BOD1L1: variants seen among roughly 807,000 people sequenced by gnomAD.
BOD1L1 encodes biorientation of chromosomes in cell division 1 like 1, also known as biorientation of chromosomes in cell division protein 1-like 1.
Under a neutral mutation model 240.7 loss-of-function variants are expected in BOD1L1, and 86 were observed. That is an observed-to-expected ratio of 0.36 (90% CI 0.30 to 0.43). The LOEUF (loss-of-function observed/expected upper bound fraction) is 0.43, where lower values mean the gene tolerates loss of function less well. Ranked by LOEUF, BOD1L1 falls within the 20% of genes least tolerant of loss-of-function variation. BOD1L1 has a pLI of 1.00. For synonymous variants in BOD1L1, 1,268 were observed against 1,272.3 expected, an observed-to-expected ratio of 1.00 and a Z score of 0.07; for missense variants, 3,554 against 3,643.5, an observed-to-expected ratio of 0.98 and a Z score of 0.63.
chr4:13,608,169 A>G (rs1039764485), intron 8 of BOD1L1, among the ~76,000 whole-genome samples: 4 of 152,220 alleles, frequency 2.6e-5, no homozygotes, highest in African/African-American at 7.2e-5. Context: ...ATAATTGAAA[A>G]TAAGTGGTTA....
chr4:13,614,524 G>A lies in BOD1L1; in HGVS notation c.846C>T (p.Asp282=). Residue 282 remains aspartate, a synonymous_variant, in exon 4 of 26, where the codon GAC becomes GAT. Transcript: ENST00000040738. ...ETAPKSEEFS[D]LPCPVEEIKN... ...TAATTTCTTCGACTGGACAGGGGAG[G>A]TCGCTGAACTCTTCAGACTTTGGGG... 1 of 1,614,000 alleles carries A rather than the reference G, an allele frequency of 6.2e-7. No homozygotes were observed.
chr4:13,589,477 T>C (rs1211439875), intron 14 of BOD1L1, among the ~76,000 whole-genome samples: 3 of 152,158 alleles, frequency 2.0e-5, no homozygotes. Flanking sequence ...TTAATATAAA[T>C]CAACAGAACA....
intron 25 of BOD1L1, among the ~76,000 whole-genome samples, chr4:13,573,438 G>GTCTATCTATCTATCTATCTA (rs1403849969): frequency 1.8e-3 from 85 of 46,466 alleles, no homozygotes; most frequent in East Asian, 0.012. Flanking sequence ...CTGTCTGTCT[G>GTCTATCTATCTATCTATCTA]TCTGTCTATC....
At position 13,603,802 on chromosome 4, in the gene BOD1L1, T is replaced by G; in HGVS notation, c.3098A>C (p.Lys1033Thr). 1 of 1,613,430 alleles carries G rather than the reference T, an allele frequency of 6.2e-7. No individual in the cohort carries two copies. Among genetic ancestry groups the G allele is most frequent in the South Asian group, 1.1e-5 (1 of 91,012 alleles). Reference sequence around the variant, plus strand: ...ATCTGATTTATTTTCGTCCTTCTTTTTTATGTCTTTACTACTATGCTTTAA... The same window carrying G: ...ATCTGATTTATTTTCGTCCTTCTTTGTTATGTCTTTACTACTATGCTTTAA... ...RSLKHSSKDIKKKDENKSDDK... is the reference protein window; with the variant it reads ...RSLKHSSKDITKKDENKSDDK... Residue 1033 changes from lysine (K) to threonine (T), a missense_variant, in exon 10 of 26, where the codon AAA becomes ACA. By Grantham distance (78) the Lys-to-Thr change is moderately conservative (BLOSUM62 -1). Coordinates refer to ENST00000040738, the MANE Select transcript of BOD1L1 (RefSeq NM_148894.3).
intron 22 of BOD1L1, among the ~76,000 whole-genome samples, chr4:13,578,771 C>G (rs941032042): frequency 1.3e-5 from 2 of 152,190 alleles, no homozygotes; most frequent in African/African-American, 2.4e-5. Flanking sequence ...AGCCTATAGT[C>G]TGAACAAACC....
Position 13,605,210 on chromosome 4 carries a change from A to G in BOD1L1, c.1816-126T>C, listed in dbSNP as rs77417966. The G allele has an allele frequency of 8.8e-4, 704 of 801,198 alleles. 1 individual carries two copies. The highest frequency in any genetic ancestry group is 2.1e-3 in the South Asian group (60 of 29,218). 49.6% of individuals were successfully genotyped at this position (801,198 alleles called of 1,614,324 possible). A position where few individuals can be genotyped will look rare whatever the true frequency, so the allele number is the denominator to read the frequency against. Reference sequence around the variant, plus strand: ...ATGTAACATCTCACTTAATTCTTACAAACAGCCTGTGTAGGTGTCAAAAAC... The same window carrying G: ...ATGTAACATCTCACTTAATTCTTACGAACAGCCTGTGTAGGTGTCAAAAAC... On this transcript the variant is annotated intron_variant, in intron 9 of 25. Transcript: ENST00000040738.
chr4:13,613,452 G>A lies in BOD1L1; in HGVS notation c.1324+60C>T, dbSNP rs1716338131. 10 of 1,460,484 alleles carry A rather than the reference G, an allele frequency of 6.8e-6. No individual in the cohort carries two copies. In the East Asian group the frequency reaches 2.3e-4, roughly 34 times the overall value. The allele number at this position is 1,460,484 out of a possible 1,614,324, so 90.5% of individuals were successfully genotyped here. On this transcript the variant is annotated intron_variant, in intron 5 of 25. Coordinates refer to ENST00000040738, the MANE Select transcript of BOD1L1 (RefSeq NM_148894.3). This position sits in a 1 kb window ranked among gnomAD's most constrained non-coding sequence, Gnocchi z 4.0. ...ACTGTTTCTCAGGATATAGCCATCAGAATATACAAATAATGCTTGACAGGA... is the reference window on the plus strand; with the variant it reads ...ACTGTTTCTCAGGATATAGCCATCAAAATATACAAATAATGCTTGACAGGA...
Position 13,590,136 on chromosome 4 carries a change from G to T in BOD1L1, c.8209+250C>A, listed in dbSNP as rs112932155. Reference sequence around the variant, plus strand: ...GATTGAGTCAACTGGGAGATTAATGGCAAAGTTCTAGTAGCTATTTAAAGC... The same window carrying T: ...GATTGAGTCAACTGGGAGATTAATGTCAAAGTTCTAGTAGCTATTTAAAGC... On this transcript the variant is annotated intron_variant, in intron 14 of 25. Coordinates refer to ENST00000040738, the MANE Select transcript of BOD1L1 (RefSeq NM_148894.3). 2.0e-5 allele frequency among the ~76,000 whole-genome samples: 3 copies of T among 152,194 alleles called. No individual in the cohort carries two copies. The East Asian group carries it at 5.8e-4, about 29-fold the overall frequency.
At chr4:13,571,345 C>A (rs145581083) in intron 25 of BOD1L1, among the ~76,000 whole-genome samples, 15 of 152,190 alleles carry the variant, frequency 9.9e-5, no homozygotes, top group Non-Finnish European at 1.8e-4. Context: ...TATGAAGACA[C>A]GTCTTCCGTT....
intron 2 of BOD1L1, 134 bp downstream of exon 2, chr4:13,619,809 C>G (rs758517290): frequency 8.7e-7 from 1 of 1,151,654 alleles, no homozygotes; most frequent in Non-Finnish European, 1.2e-6. Flanking sequence ...CTACATCACA[C>G]GAAATAGCCA....
At position 13,604,671 on chromosome 4, in the gene BOD1L1, A is replaced by G. The variant is rs758112911; in HGVS notation, c.2229T>C (p.His743=). Reference sequence around the variant, plus strand: ...TATGCATACAATCACCTTTATATTTATGTTTCACAGACAATTTGTCTTCCG... The same window carrying G: ...TATGCATACAATCACCTTTATATTTGTGTTTCACAGACAATTTGTCTTCCG... ...TPSEDKLSVK[H]KYKGDCMHKT... is the part of the protein sequence containing the mutation. Residue 743 remains histidine (H), a synonymous_variant, in exon 10 of 26, where the codon CAT becomes CAC. Coordinates refer to ENST00000040738, the MANE Select transcript of BOD1L1 (RefSeq NM_148894.3). The G allele has an allele frequency of 1.9e-6, 3 of 1,590,574 alleles. No individual in the cohort carries two copies. The Admixed American group carries it at 5.6e-5, about 30-fold the overall frequency.
At chr4:13,605,943 T>C (rs1340837718) in intron 9 of BOD1L1, among the ~76,000 whole-genome samples, 2 of 152,200 alleles carry the variant, frequency 1.3e-5, no homozygotes, top group Admixed American at 1.3e-4. Context: ...AAGTAGGCGA[T>C]TAATATTAAT....
rs769516129 is a variant in BOD1L1, at chr4:13,586,425, A to G, written c.8404T>C (p.Cys2802Arg). ...DSRIETAQRQ[C>R]PETEPHDTKE... Reference sequence around the variant, plus strand: ...GTGTCATGTGGCTCCGTTTCAGGACACTGCCTTTGTGCTGTTTCTATTCTG... The same window carrying G: ...GTGTCATGTGGCTCCGTTTCAGGACGCTGCCTTTGTGCTGTTTCTATTCTG... The change falls in exon 17 of 26, where the codon TGT becomes CGT. Residue 2802 changes from cysteine (C) to arginine (R), a missense_variant. By Grantham distance (180) the Cys-to-Arg change is radical. Around this residue, in one of 2 missense-constraint regions of BOD1L1, gnomAD observed 3,393 missense variants for 3,427.1 expected, o/e 0.99. Transcript: ENST00000040738. 1.9e-6 allele frequency: 3 copies of G among 1,612,476 alleles called. No individual in the cohort carries two copies. Among genetic ancestry groups the G allele is most frequent in the Admixed American group, 3.3e-5 (2 of 59,870 alleles).
intron 12 of BOD1L1, chr4:13,593,657 A>G (rs1467113280): frequency 2.0e-5 from 3 of 152,140 alleles, no homozygotes; most frequent in African/African-American, 4.8e-5. Context: ...ACGTATCTTT[A>G]TTATAGTACC....
chr4:13,582,673 A>G lies in BOD1L1; in HGVS notation c.8497T>C (p.Ser2833Pro), dbSNP rs771941788. 1.2e-6 allele frequency: 2 copies of G among 1,612,414 alleles called. No homozygotes were observed. The highest frequency in any genetic ancestry group is 3.3e-5 in the Admixed American group (2 of 60,010). The change falls in exon 18 of 26, where the codon TCA becomes CCA. Residue 2833 changes from serine (S) to proline (P), a missense_variant. By Grantham distance (74) the Ser-to-Pro change is moderately conservative. This residue lies in a region of BOD1L1 where 3,393 missense variants were observed against 3,427.1 expected (regional missense o/e 0.99). Transcript: ENST00000040738. ...TCACCTTTTTCTTCCATGACCCTTG[A>G]GGTAGTGCTATTTGTCTCAGAACTG... is the stretch of plus-strand genomic sequence containing the variant. ...KTSSETNSTT[S>P]RVMEEKDEYS... is the part of the protein sequence containing the mutation.
At position 13,581,122 on chromosome 4, in the gene BOD1L1, A is replaced by T. The variant is rs1346834492; in HGVS notation, c.8668+10T>A. ...CTTGTGTGTGAACTGAAAACACACC[A>T]AGTACCTACTCATTTTTAACGTTGT... On this transcript the variant is annotated intron_variant, in intron 20 of 25. Coordinates refer to ENST00000040738, the MANE Select transcript of BOD1L1 (RefSeq NM_148894.3). The T allele has an allele frequency of 1.3e-6, 2 of 1,572,816 alleles. No homozygotes were observed. The highest frequency in any genetic ancestry group is 2.7e-5 in the African/African-American group (2 of 74,082).
At position 13,600,428 on chromosome 4, in the gene BOD1L1, T is replaced by C; in HGVS notation, c.6472A>G (p.Ser2158Gly). The change falls in exon 10 of 26, where the codon AGT becomes GGT. Residue 2158 changes from serine (S) to glycine (G), a missense_variant. Physicochemically the swap from Ser to Gly is moderately conservative, Grantham distance 56 (BLOSUM62 0). Around this residue, in one of 2 missense-constraint regions of BOD1L1, gnomAD observed 3,393 missense variants for 3,427.1 expected, o/e 0.99. Transcript: ENST00000040738. ...IGEEFELPIS[S>G]ATTIKCAESL... ...TCAGCACACTTGATGGTTGTTGCAC[T>C]GGAGATAGGCAATTCGAATTCTTCC... The C allele has an allele frequency of 1.9e-6, 3 of 1,613,968 alleles. No individual in the cohort carries two copies. The highest frequency in any genetic ancestry group is 1.1e-5 in the South Asian group (1 of 91,084).
chr4:13,609,148 C>A, intron 7 of BOD1L1, 147 bp downstream of exon 7: 1 of 485,228 alleles, frequency 2.1e-6, no homozygotes, highest in Non-Finnish European at 3.3e-6. Context: ...AATGATGAAA[C>A]ACATGAGATT....
Position 13,600,113 on chromosome 4 carries a change from C to G in BOD1L1, c.6787G>C (p.Asp2263His), listed in dbSNP as rs1341294117. 1 of 1,613,962 alleles carries G rather than the reference C, an allele frequency of 6.2e-7. No homozygotes were observed. The highest frequency in any genetic ancestry group is 8.5e-7 in the Non-Finnish European group (1 of 1,179,876). ...GCACTGGACACTGGGCCCTCACAGTCTTCCACCGAGCTCGTAGAGATGATG... is the reference window on the plus strand; with the variant it reads ...GCACTGGACACTGGGCCCTCACAGTGTTCCACCGAGCTCGTAGAGATGATG... The part of the protein sequence containing the change: ...SGIISTSSVE[D>H]CEGPVSSAVP... The change falls in exon 10 of 26, where the codon GAC (aspartate) becomes CAC (histidine). Residue 2263 changes from aspartate to histidine, a missense_variant. Asp to His is a moderately conservative substitution (Grantham distance 81). This residue lies in a region of BOD1L1 where 3,393 missense variants were observed against 3,427.1 expected (regional missense o/e 0.99). Transcript: ENST00000040738.
Sources: allele counts gnomAD v4.1 joint callset (sites outside exome capture counted in the v4.1 genomes callset), GRCh38; gene constraint gnomAD v4.1.1; regional missense constraint gnomAD v4.1.1; non-coding constraint Gnocchi (gnomAD v3.1); transcripts MANE v1.5; gene names NCBI Gene and HGNC (gene_info 2026-07-23, HGNC 2026-07-21).